Variants in RBFOX1 observed in about 807,000 individuals in gnomAD.
RBFOX1 encodes the protein RNA binding protein fox-1 homolog 1.
RBFOX1 carries 8 observed loss-of-function variants against 57.7 expected under a neutral mutation model. The ratio of observed to expected loss-of-function variants is 0.14; its 90% confidence interval spans 0.08 to 0.25. The LOEUF (loss-of-function observed/expected upper bound fraction) is 0.25. Among genes scored for constraint, RBFOX1 ranks in the 10% least tolerant of loss-of-function variants. The pLI is 1.00. For synonymous variants in RBFOX1, 326 were observed against 222.4 expected (o/e 1.47, Z -4.15); for missense variants, 611 against 548.5 (o/e 1.11, Z -1.14).
chr16:6,459,325 G>A (rs578059289), intron 2 of RBFOX1, among the ~76,000 whole-genome samples: 117 of 152,260 alleles, frequency 7.7e-4, no homozygotes, highest in Middle Eastern at 3.4e-3. Context: ...GACAGAGGGC[G>A]AAATCAGCAA....
At chr16:7,520,014 T>G (rs1250986338) in intron 5 of RBFOX1, among the ~76,000 whole-genome samples, 1 of 152,102 alleles carries the variant, frequency 6.6e-6, no homozygotes, top group East Asian at 1.9e-4. Context: ...GTCTCCCGAG[T>G]AGCTGGGACT....
intron 4 of RBFOX1, among the ~76,000 whole-genome samples, chr16:6,012,333 A>T (rs1306667202): frequency 6.6e-6 from 1 of 152,178 alleles, no homozygotes; most frequent in East Asian, 1.9e-4. Flanking sequence ...TGCTATTCAT[A>T]TGTTACTATT....
intron 4 of RBFOX1, among the ~76,000 whole-genome samples, chr16:7,373,650 A>G (rs914815746): frequency 6.6e-6 from 1 of 151,836 alleles, no homozygotes; most frequent in Non-Finnish European, 1.5e-5. Context: ...TTTGCTCAGA[A>G]TAAGAAGTGG....
chr16:6,259,417 A>C (rs545481716), intron 1 of RBFOX1, among the ~76,000 whole-genome samples: 10 of 152,264 alleles, frequency 6.6e-5, no homozygotes, highest in African/African-American at 2.2e-4. Flanking sequence ...CTTCTTGGTC[A>C]GTGGAGACAG....
chr16:7,000,600 T>TC lies in RBFOX1; in HGVS notation c.-15-51457_-15-51456insC, dbSNP rs1346128811. 1.6e-3 allele frequency among the ~76,000 whole-genome samples: 125 copies of TC among 76,922 alleles called. 2 individuals carry two copies. Among genetic ancestry groups the TC allele is most frequent in the African/African-American group, 5.2e-3 (112 of 21,370 alleles). The allele number at this position is 76,922 out of a possible 152,430, so 50.5% of individuals were successfully genotyped here. A position where few individuals can be genotyped will look rare whatever the true frequency, so the allele number is the denominator to read the frequency against. ...TTTTTTTCTTTCTTTTTCTTTCTTT[T>TC]TTTTTTTTTTTTTTTTTGAGACAGA... On this transcript the variant is annotated intron_variant, in intron 3 of 15. Transcript: ENST00000550418.
chr16:7,458,432 C>A (rs552862574), intron 4 of RBFOX1, among the ~76,000 whole-genome samples: 1 of 152,280 alleles, frequency 6.6e-6, no homozygotes, highest in South Asian at 2.1e-4. Context: ...AAGAAAATAG[C>A]TCATGCTAAG....
chr16:6,629,500 C>CA lies in RBFOX1; in HGVS notation c.-63-25097dup, dbSNP rs2098356132. 1.3e-5 allele frequency among the ~76,000 whole-genome samples: 2 copies of CA among 152,032 alleles called. 1 individual carries two copies. The highest frequency in any genetic ancestry group is 4.1e-4 in the South Asian group (2 of 4,828). The stretch of plus-strand genomic sequence containing the variant: ...AGTTGGGATCAGCTGTCTTCATTTA[C>CA]AAAAAATGGGTTATACTTTCATCTT... On this transcript the variant is annotated intron_variant, in intron 2 of 15. Transcript: ENST00000550418.
At chr16:7,348,446 A>G (rs939422855) in intron 4 of RBFOX1, among the ~76,000 whole-genome samples, 1 of 152,120 alleles carries the variant, frequency 6.6e-6, no homozygotes, top group Non-Finnish European at 1.5e-5. Flanking sequence ...TTTAAGACTA[A>G]GGTGATGTCT....
intron 4 of RBFOX1, chr16:7,332,632 C>G: frequency 2.7e-6 from 1 of 373,244 alleles, no homozygotes; most frequent in Non-Finnish European, 4.1e-6. Context: ...ATCTCATAGC[C>G]TGGTTCCCTC....
chr16:6,792,435 G>A (rs1273937538), intron 3 of RBFOX1, among the ~76,000 whole-genome samples: 1 of 152,032 alleles, frequency 6.6e-6, no homozygotes, highest in Non-Finnish European at 1.5e-5. Flanking sequence ...TATAATTAAA[G>A]GTCAACCTGT....
intron 4 of RBFOX1, among the ~76,000 whole-genome samples, chr16:7,162,969 G>C (rs1468652525): frequency 6.6e-6 from 1 of 152,156 alleles, no homozygotes; most frequent in Non-Finnish European, 1.5e-5. Context: ...CCTTGGGCCA[G>C]TCACCTGGCA....
chr16:6,877,127 C>T (rs532849334), intron 3 of RBFOX1, among the ~76,000 whole-genome samples: 87 of 152,232 alleles, frequency 5.7e-4, no homozygotes, highest in African/African-American at 2.1e-3. Context: ...AGAAATAACA[C>T]CAAACAACAG....
chr16:7,305,656 T>C (rs2096164020), intron 4 of RBFOX1, among the ~76,000 whole-genome samples: 1 of 152,218 alleles, frequency 6.6e-6, no homozygotes. Flanking sequence ...TGTATATTTT[T>C]ATAAAATGTC....
chr16:7,532,323 A>C (rs549998348), intron 5 of RBFOX1, among the ~76,000 whole-genome samples: 4 of 152,190 alleles, frequency 2.6e-5, no homozygotes, highest in African/African-American at 9.6e-5. Flanking sequence ...AAGAGACAAC[A>C]GTGGGTGGCG....
chr16:5,439,365 T>C (rs2068014047), intron 1 of RBFOX1, among the ~76,000 whole-genome samples: 1 of 152,304 alleles, frequency 6.6e-6, no homozygotes, highest in African/African-American at 2.4e-5. Context: ...TGACATGCTA[T>C]GATTTATATT....
At chr16:5,580,430 A>T (rs1332981129) in intron 2 of RBFOX1, among the ~76,000 whole-genome samples, 1 of 152,136 alleles carries the variant, frequency 6.6e-6, no homozygotes, top group Non-Finnish European at 1.5e-5. Flanking sequence ...CATCTCAAGG[A>T]GTGGGAGAAG....
chr16:6,083,228 C>G (rs891250590), intron 1 of RBFOX1, among the ~76,000 whole-genome samples: 4 of 152,096 alleles, frequency 2.6e-5, no homozygotes, highest in African/African-American at 9.7e-5. Flanking sequence ...GTTTTGAACT[C>G]CTGACCTGAA....
chr16:7,115,697 C>A (rs1487137834), intron 4 of RBFOX1, among the ~76,000 whole-genome samples: 1 of 152,178 alleles, frequency 6.6e-6, no homozygotes, highest in Admixed American at 6.6e-5. Context: ...GACAGAGAAT[C>A]CAGTCGCTTT....
chr16:6,661,592 A>C (rs1467324205), intron 3 of RBFOX1, among the ~76,000 whole-genome samples: 1 of 152,210 alleles, frequency 6.6e-6, no homozygotes, highest in Non-Finnish European at 1.5e-5. Flanking sequence ...AACCCAGCCA[A>C]AGTGAAAGTC....
Sources: allele counts gnomAD v4.1 joint callset (sites outside exome capture counted in the v4.1 genomes callset), GRCh38; gene constraint gnomAD v4.1.1; transcripts MANE v1.5; gene names NCBI Gene and HGNC (gene_info 2026-07-23, HGNC 2026-07-21).